Variants in PIM1 observed in about 807,000 individuals in gnomAD.
PIM1 encodes Pim-1 proto-oncogene, serine/threonine kinase, also known as serine/threonine-protein kinase pim-1.
In PIM1, 9 loss-of-function variants were observed where a neutral mutation model predicts 34.5. That is an observed-to-expected ratio of 0.26 (90% confidence interval 0.16 to 0.46). The LOEUF (loss-of-function observed/expected upper bound fraction) is 0.46, where lower values mean the gene tolerates loss of function less well. PIM1 is among the 20% of genes least tolerant of loss of function. PIM1 has a pLI of 1.00. For missense variants in PIM1, 274 were observed against 410.9 expected (o/e 0.67, Z 2.88); for synonymous variants, 199 against 175.2 (o/e 1.14, Z -1.07).
intron 4 of PIM1, among the ~76,000 whole-genome samples, chr6:37,171,902 G>T (rs564400756): frequency 1.4e-4 from 22 of 152,034 alleles, no homozygotes; most frequent in Non-Finnish European, 3.1e-4. Context: ...TTTTCTGTAT[G>T]GTAGTTTTAG....
chr6:37,170,503 G>T lies in PIM1; in HGVS notation c.-73G>T. ...GCCACAGCCCCAGGCATAGCCTTCGGCACAGCCCCGGCTCCGGCTCCTGCG... is the reference window on the plus strand; with the variant it reads ...GCCACAGCCCCAGGCATAGCCTTCGTCACAGCCCCGGCTCCGGCTCCTGCG... On this transcript the variant is annotated 5_prime_UTR_variant, in exon 1 of 6. Coordinates refer to ENST00000373509, the MANE Select transcript of PIM1 (RefSeq NM_002648.4). 6.3e-7 allele frequency: 1 copy of T among 1,599,576 alleles called. No individual in the cohort carries two copies.
Position 37,170,962 on chromosome 6 carries a change from G to A in PIM1, c.190-19G>A. On this transcript the variant is annotated intron_variant, in intron 2 of 5. Coordinates refer to ENST00000373509, the MANE Select transcript of PIM1 (RefSeq NM_002648.4). ...TTTAGCCCGGACGAGGGAACCTGAC[G>A]GAGACCCTGGGCTTCCAGGTGGCCA... 1 of 1,613,984 alleles carries A rather than the reference G, an allele frequency of 6.2e-7. No individual in the cohort carries two copies. The highest frequency in any genetic ancestry group is 8.5e-7 in the Non-Finnish European group (1 of 1,179,962).
Position 37,170,258 on chromosome 6 carries a change from CA to C in PIM1, c.-317del. ...GCGGCGGCGGGACCGGCAGCAGCAG[CA>C]GCAGCAGCAGCAGCAGCAACCACTA... On this transcript the variant is annotated 5_prime_UTR_variant, in exon 1 of 6. Transcript: ENST00000373509. The C allele has an allele frequency of 7.5e-7, 1 of 1,330,232 alleles. No homozygotes were observed. 82.4% of individuals were successfully genotyped at this position (1,330,232 alleles called of 1,614,324 possible).
chr6:37,171,347 G>A lies in PIM1; in HGVS notation c.463G>A (p.Val155Met), dbSNP rs770187449. The change falls in exon 4 of 6, where the codon GTG becomes ATG. Residue 155 changes from valine (V) to methionine (M), a missense_variant. Val to Met is a conservative substitution (Grantham distance 21). Transcript: ENST00000373509. ...CTTCTTCTGGCAGGTGCTGGAGGCC[G>A]TGCGGCACTGCCACAACTGCGGGGT... is the stretch of plus-strand genomic sequence containing the variant. ...RSFFWQVLEAVRHCHNCGVLH... is the reference protein window; with the variant it reads ...RSFFWQVLEAMRHCHNCGVLH... 6.2e-7 allele frequency: 1 copy of A among 1,613,808 alleles called. No homozygotes were observed. Among genetic ancestry groups the A allele is most frequent in the Non-Finnish European group, 8.5e-7 (1 of 1,180,042 alleles).
rs901315513 is a variant in PIM1 at position 37,174,857 on chromosome 6, G to A, written c.*766G>A. 2 of 233,600 alleles carry A rather than the reference G, an allele frequency of 8.6e-6. No individual in the cohort carries two copies. Among genetic ancestry groups the A allele is most frequent in the Non-Finnish European group, 8.5e-6 (1 of 118,080 alleles). 14.5% of individuals were successfully genotyped at this position (233,600 alleles called of 1,614,324 possible). A position where few individuals can be genotyped will look rare whatever the true frequency, so the allele number is the denominator to read the frequency against. Reference sequence around the variant, plus strand: ...ATCAACAGAAAAGCTGTAAATGTGTGTACAGTTGGCATGGTAGTATACAAA... The same window carrying A: ...ATCAACAGAAAAGCTGTAAATGTGTATACAGTTGGCATGGTAGTATACAAA... On this transcript the variant is annotated 3_prime_UTR_variant, in exon 6 of 6. Coordinates refer to ENST00000373509, the MANE Select transcript of PIM1 (RefSeq NM_002648.4).
rs1762356949 is a variant in PIM1 at position 37,174,069 on chromosome 6, TGTC to T, written c.922_924del (p.Ser308del). 3 of 1,613,542 alleles carry T rather than the reference TGTC, an allele frequency of 1.9e-6. No individual in the cohort carries two copies. Among genetic ancestry groups the T allele is most frequent in the Non-Finnish European group, 2.5e-6 (3 of 1,179,762 alleles). The stretch of plus-strand genomic sequence containing the variant: ...ACTGCTGAGATCCACCTCCACAGCC[TGTC>T]GCCGGGGCCCAGCAAATAGCAGCCT... On this transcript the variant is annotated inframe_deletion, in exon 6 of 6. Transcript: ENST00000373509.
rs1006682922 is a variant in PIM1 at position 37,174,555 on chromosome 6, T to A, written c.*464T>A. On this transcript the variant is annotated 3_prime_UTR_variant, in exon 6 of 6. Transcript: ENST00000373509. ...GAGTGCCTTCTGTGGGGACTCCGGCTGTGCTGGGAGAAATACTTGAACTTG... is the reference window on the plus strand; with the variant it reads ...GAGTGCCTTCTGTGGGGACTCCGGCAGTGCTGGGAGAAATACTTGAACTTG... 3 of 234,562 alleles carry A rather than the reference T, an allele frequency of 1.3e-5. No homozygotes were observed. Among genetic ancestry groups the A allele is most frequent in the Non-Finnish European group, 2.5e-5 (3 of 118,654 alleles). The allele number at this position is 234,562 out of a possible 1,614,324, so 14.5% of individuals were successfully genotyped here.
chr6:37,171,041 C>T lies in PIM1; in HGVS notation c.240+10C>T, dbSNP rs200144923. 3.6e-4 allele frequency: 577 copies of T among 1,614,050 alleles called. 1 individual carries two copies. The highest frequency in any genetic ancestry group is 4.6e-4 in the Non-Finnish European group (544 of 1,179,998). The stretch of plus-strand genomic sequence containing the variant: ...CGACTGGGGAGAGCTGGTGAGTGCC[C>T]TGCAGGAGCGACCCCCAGGATGAGT... On this transcript the variant is annotated intron_variant, in intron 3 of 5. Coordinates refer to ENST00000373509, the MANE Select transcript of PIM1 (RefSeq NM_002648.4).
In PIM1 at chr6:37,170,664, G is replaced by A. The variant is rs761169246; in HGVS notation, c.82+7G>A. The A allele has an allele frequency of 1.9e-6, 3 of 1,610,568 alleles. No homozygotes were observed. The highest frequency in any genetic ancestry group is 1.1e-5 in the South Asian group (1 of 90,966). ...GCCACCAAGCTGGCGCCCGGTGAGA[G>A]CACCCCCCGCCTCCGGCCCGGGGAT... On this transcript the variant is annotated splice_region_variant and intron_variant, in intron 1 of 5. Transcript: ENST00000373509.
rs750707617 is a variant in PIM1, at chr6:37,170,538, C to T, written c.-38C>T. 3.7e-6 allele frequency: 6 copies of T among 1,610,984 alleles called. No homozygotes were observed. In the African/African-American group the frequency reaches 8.0e-5, roughly 22 times the overall value. On this transcript the variant is annotated 5_prime_UTR_variant, in exon 1 of 6. Coordinates refer to ENST00000373509, the MANE Select transcript of PIM1 (RefSeq NM_002648.4). ...GGCTCCGGCTCCTGCGGCAGCTCCT[C>T]TGGGCACCGTCCCTGCGCCGACATC...
At chr6:37,171,964 C>G (rs1053672232) in intron 4 of PIM1, among the ~76,000 whole-genome samples, 1 of 150,214 alleles carries the variant, frequency 6.7e-6, no homozygotes, top group Non-Finnish European at 1.5e-5. Flanking sequence ...GGAATAGGAA[C>G]TATATTATTA....
chr6:37,170,599 G>T lies in PIM1; in HGVS notation c.24G>T (p.Ser8=), dbSNP rs545722595. MLLSKIN[S]LAHLRAAPCN... ...GGATGCTCTTGTCCAAAATCAACTC[G>T]CTTGCCCACCTGCGCGCCGCGCCCT... The change falls in exon 1 of 6, where the codon TCG becomes TCT. Residue 8 remains serine, a synonymous_variant. Coordinates refer to ENST00000373509, the MANE Select transcript of PIM1 (RefSeq NM_002648.4). The T allele has an allele frequency of 2.0e-5, 32 of 1,612,920 alleles. No homozygotes were observed. In the South Asian group the frequency reaches 3.1e-4, roughly 15 times the overall value.
chr6:37,170,997 TGGA>T lies in PIM1; in HGVS notation c.208_210del (p.Glu70del), dbSNP rs764701204. 1 of 1,613,862 alleles carries T rather than the reference TGGA, an allele frequency of 6.2e-7. No homozygotes were observed. The highest frequency in any genetic ancestry group is 8.5e-7 in the Non-Finnish European group (1 of 1,179,952). On this transcript the variant is annotated inframe_deletion, in exon 3 of 6. Coordinates refer to ENST00000373509, the MANE Select transcript of PIM1 (RefSeq NM_002648.4). The stretch of plus-strand genomic sequence containing the variant: ...GGCTTCCAGGTGGCCATCAAACACG[TGGA>T]GAAGGACCGGATTTCCGACTGGGGA...
In PIM1 at chr6:37,170,438, C is replaced by G. The variant is rs759608922; in HGVS notation, c.-138C>G. 1 of 1,539,890 alleles carries G rather than the reference C, an allele frequency of 6.5e-7. No individual in the cohort carries two copies. Among genetic ancestry groups the G allele is most frequent in the South Asian group, 1.2e-5 (1 of 84,720 alleles). ...CTCGCCCTCGGCCTTCCGCGCCAGC[C>G]GCAGCCACAGCCGCAACGCCACCCG... On this transcript the variant is annotated 5_prime_UTR_variant, in exon 1 of 6. Coordinates refer to ENST00000373509, the MANE Select transcript of PIM1 (RefSeq NM_002648.4).
chr6:37,170,209 G>GCT lies in PIM1; in HGVS notation c.-366_-365insTC. ...TGCAGCGGCCGCGGTGGCTGAGGAG[G>GCT]CCCGAGAGGAGTCGGTGGCAGCGGC... On this transcript the variant is annotated 5_prime_UTR_variant, in exon 1 of 6. Transcript: ENST00000373509. The GCT allele has an allele frequency of 8.1e-7, 1 of 1,234,396 alleles. No individual in the cohort carries two copies. Among genetic ancestry groups the GCT allele is most frequent in the South Asian group, 1.8e-5 (1 of 55,746 alleles). The allele number at this position is 1,234,396 out of a possible 1,614,324, so 76.5% of individuals were successfully genotyped here.
chr6:37,171,850 T>C (rs1345376034), intron 4 of PIM1, among the ~76,000 whole-genome samples: 2 of 152,246 alleles, frequency 1.3e-5, no homozygotes, highest in Non-Finnish European at 2.9e-5. Context: ...TGGAAATTGA[T>C]GCCGGTTTTG....
At chr6:37,170,911 G>C in intron 2 of PIM1, 32 bp downstream of exon 2, 1 of 1,611,792 alleles carries the variant, frequency 6.2e-7, no homozygotes, top group South Asian at 1.1e-5. Context: ...GGGAGGGCGC[G>C]CCGGGCGGGG....
In PIM1 at chr6:37,170,202, T is replaced by A; in HGVS notation, c.-374T>A. The A allele has an allele frequency of 7.7e-6, 9 of 1,172,366 alleles. No homozygotes were observed. The highest frequency in any genetic ancestry group is 9.6e-6 in the Non-Finnish European group (9 of 941,818). The allele number at this position is 1,172,366 out of a possible 1,614,324, so 72.6% of individuals were successfully genotyped here. A position where few individuals can be genotyped will look rare whatever the true frequency, so the allele number is the denominator to read the frequency against. On this transcript the variant is annotated 5_prime_UTR_variant, in exon 1 of 6. Coordinates refer to ENST00000373509, the MANE Select transcript of PIM1 (RefSeq NM_002648.4). Reference sequence around the variant, plus strand: ...CGTCTGCTGCAGCGGCCGCGGTGGCTGAGGAGGCCCGAGAGGAGTCGGTGG... The same window carrying A: ...CGTCTGCTGCAGCGGCCGCGGTGGCAGAGGAGGCCCGAGAGGAGTCGGTGG...
chr6:37,170,684 G>T, intron 1 of PIM1, 27 bp downstream of exon 1: 1 of 1,606,406 alleles, frequency 6.2e-7, no homozygotes, highest in East Asian at 2.2e-5. Context: ...CCTCCGGCCC[G>T]GGGATGCGGG....
Sources: gnomAD v4.1 joint callset for allele counts (sites outside exome capture counted in the v4.1 genomes callset) on GRCh38, gnomAD v4.1.1 for gene constraint, MANE v1.5 for transcripts, NCBI Gene and HGNC (gene_info 2026-07-23, HGNC 2026-07-21) for gene names.